INPP4B: variants seen among roughly 807,000 people sequenced by gnomAD.
INPP4B encodes inositol polyphosphate-4-phosphatase type II B.
Under a neutral mutation model 122.5 loss-of-function variants are expected in INPP4B, and 55 were observed. That is an observed-to-expected ratio of 0.45 (90% CI 0.36 to 0.56). The LOEUF is 0.56. Among genes scored for constraint, INPP4B ranks in the 20% least tolerant of loss-of-function variants. The probability of loss-of-function intolerance (pLI) is 0.00; values close to 1 mark genes in which losing one functional copy is unlikely to be tolerated. For missense variants in INPP4B, 1,000 were observed against 1,097.7 expected, an observed-to-expected ratio of 0.91 and a Z score of 1.26; for synonymous variants, 403 against 388.7, an observed-to-expected ratio of 1.04 and a Z score of -0.43.
chr4:142,229,433 G>A (rs1853155537), intron 12 of INPP4B, among the ~76,000 whole-genome samples: 1 of 152,144 alleles, frequency 6.6e-6, no homozygotes, highest in African/African-American at 2.4e-5. Context: ...TATTCAAGAT[G>A]ATAGATAAGC....
intron 2 of INPP4B, among the ~76,000 whole-genome samples, chr4:142,592,223 G>C (rs542961643): frequency 6.6e-6 from 1 of 152,256 alleles, no homozygotes; most frequent in Non-Finnish European, 1.5e-5. Context: ...TTTCCCAGGT[G>C]ACAGCCCAAG....
intron 15 of INPP4B, among the ~76,000 whole-genome samples, chr4:142,180,457 T>C (rs1473942679): frequency 6.6e-6 from 1 of 152,208 alleles, no homozygotes; most frequent in Non-Finnish European, 1.5e-5. Flanking sequence ...TCTCCTCCTC[T>C]ATCACTTTAA....
intron 2 of INPP4B, among the ~76,000 whole-genome samples, chr4:142,575,544 A>T (rs1415412841): frequency 6.6e-6 from 1 of 152,076 alleles, no homozygotes; most frequent in African/African-American, 2.4e-5. Flanking sequence ...TAATGTAAAC[A>T]CCTCTGAGTT....
intron 3 of INPP4B, among the ~76,000 whole-genome samples, chr4:142,455,305 C>A (rs1050931644): frequency 1.3e-5 from 2 of 151,990 alleles, no homozygotes; most frequent in Non-Finnish European, 2.9e-5. Flanking sequence ...TCCCCACCTG[C>A]CCCTAAAGAT....
intron 25 of INPP4B, among the ~76,000 whole-genome samples, chr4:142,042,623 T>C (rs2322310): frequency 0.17 from 25,097 of 151,470 alleles, 3,767 homozygotes; most frequent in African/African-American, 0.39. Flanking sequence ...AGTGCAGTGA[T>C]GCGATCTCAG....
At chr4:142,790,029 T>G (rs1239588719) in intron 1 of INPP4B, among the ~76,000 whole-genome samples, 1 of 151,874 alleles carries the variant, frequency 6.6e-6, no homozygotes. Flanking sequence ...GCTAGCCACA[T>G]GTAGGAGAAT....
chr4:142,261,455 T>C (rs1249010714), intron 10 of INPP4B, among the ~76,000 whole-genome samples: 2 of 152,058 alleles, frequency 1.3e-5, no homozygotes, highest in Non-Finnish European at 2.9e-5. Context: ...ATATACCCAA[T>C]ATAAACAAGT....
intron 25 of INPP4B, among the ~76,000 whole-genome samples, chr4:142,071,560 T>C (rs977122590): frequency 1.2e-4 from 18 of 152,096 alleles, no homozygotes; most frequent in Non-Finnish European, 1.6e-4. Flanking sequence ...ACCTACAGAA[T>C]GGGAGAAAAT....
rs188487776 is a variant in INPP4B at position 142,115,781 on chromosome 4, A to T, written c.2136-3099T>A. Among the ~76,000 whole-genome samples the T allele has an allele frequency of 2.6e-4, 39 of 152,316 alleles. 1 individual carries two copies. In the East Asian group the frequency reaches 6.9e-3, roughly 27 times the overall value. On this transcript the variant is annotated intron_variant, in intron 21 of 25. Transcript: ENST00000262992. ...ACAAGCAAAATAACCAGCTAACATC[A>T]TAATGACAGGATCAAATTCACATGT...
At chr4:142,767,695 G>A (rs140650857) in intron 1 of INPP4B, 133 of 152,298 alleles carry the variant, frequency 8.7e-4, no homozygotes, top group African/African-American at 3.1e-3. Flanking sequence ...GAGTGAGACA[G>A]AGCTACAATA....
At chr4:142,482,328 C>T (rs1278080549) in intron 2 of INPP4B, among the ~76,000 whole-genome samples, 3 of 152,094 alleles carry the variant, frequency 2.0e-5, no homozygotes, top group Admixed American at 6.6e-5. Flanking sequence ...CACAGGAAGC[C>T]TATCTGTCTG....
chr4:142,356,825 A>G (rs946343812), intron 7 of INPP4B, among the ~76,000 whole-genome samples: 7 of 151,890 alleles, frequency 4.6e-5, no homozygotes, highest in Admixed American at 2.6e-4. Context: ...AGACCAAGGC[A>G]TGGTTACAAG....
chr4:142,229,106 G>A (rs924815578), intron 12 of INPP4B, among the ~76,000 whole-genome samples: 5 of 151,354 alleles, frequency 3.3e-5, no homozygotes, highest in African/African-American at 4.8e-5. Flanking sequence ...AGATGTACAC[G>A]AATATGTATT....
chr4:142,602,453 T>C (rs1278406534), intron 2 of INPP4B, among the ~76,000 whole-genome samples: 1 of 152,164 alleles, frequency 6.6e-6, no homozygotes, highest in Non-Finnish European at 1.5e-5. Flanking sequence ...CCATTGACAT[T>C]CTTCCGAGAA....
chr4:142,758,856 G>A (rs769191646), intron 1 of INPP4B, among the ~76,000 whole-genome samples: 4 of 151,734 alleles, frequency 2.6e-5, no homozygotes, highest in Non-Finnish European at 4.4e-5. Context: ...GGGAGGCTGC[G>A]GCACGAGACT....
At chr4:142,613,287 C>T (rs1262872684) in intron 2 of INPP4B, among the ~76,000 whole-genome samples, 9 of 151,976 alleles carry the variant, frequency 5.9e-5, no homozygotes, top group East Asian at 5.8e-4. Context: ...TGAACATAAG[C>T]GAAACTGATA....
At chr4:142,286,151 T>A (rs1579598087) in intron 9 of INPP4B, among the ~76,000 whole-genome samples, 1 of 152,212 alleles carries the variant, frequency 6.6e-6, no homozygotes, top group South Asian at 2.1e-4. Context: ...CTTTAATTCA[T>A]GTTAAATAGA....
chr4:142,294,791 CTGCACTCCA>C (rs1757854485), intron 9 of INPP4B, among the ~76,000 whole-genome samples: 1 of 131,284 alleles, frequency 7.6e-6, no homozygotes, highest in Admixed American at 9.3e-5. Context: ...GATCGTGCCA[CTGCACTCCA>C]GCCCGGGCGA....
chr4:142,706,489 G>T (rs1762489294), intron 2 of INPP4B, among the ~76,000 whole-genome samples: 1 of 152,198 alleles, frequency 6.6e-6, no homozygotes, highest in South Asian at 2.1e-4. Context: ...CTGGCTAGGG[G>T]TATGTATTTG....
Sources: allele counts gnomAD v4.1 joint callset (sites outside exome capture counted in the v4.1 genomes callset), GRCh38; gene constraint gnomAD v4.1.1; transcripts MANE v1.5; gene names NCBI Gene and HGNC (gene_info 2026-07-23, HGNC 2026-07-21).